The following ARHGAP29 variants were observed in gnomAD, a reference collection of about 807,000 sequenced individuals.
ARHGAP29 encodes rho GTPase-activating protein 29.
A neutral mutation model predicts 122.6 loss-of-function variants in ARHGAP29; 43 were observed. That is an observed-to-expected ratio of 0.35 (90% confidence interval 0.27 to 0.45). The LOEUF is 0.45. Ranked by LOEUF, ARHGAP29 falls within the 20% of genes least tolerant of loss-of-function variation. The pLI, the probability that ARHGAP29 is intolerant of heterozygous loss-of-function variation, is 1.00. For missense variants in ARHGAP29, 1,303 were observed against 1,477.2 expected, an observed-to-expected ratio of 0.88 and a Z score of 1.93; for synonymous variants, 506 against 497.1, an observed-to-expected ratio of 1.02 and a Z score of -0.24.
upstream of ARHGAP29, among the ~76,000 whole-genome samples, chr1:94,238,242 G>T (rs1345390929): frequency 6.6e-6 from 1 of 151,514 alleles, no homozygotes; most frequent in Admixed American, 6.6e-5. Context: ...AGTATTTTTA[G>T]TAGAGGCAGG....
the ARHGAP29 span, among the ~76,000 whole-genome samples, chr1:94,309,728 TAA>T: frequency 6.6e-6 from 1 of 152,086 alleles, no homozygotes; most frequent in Non-Finnish European, 1.5e-5. Context: ...AAGGTAGAAA[TAA>T]AGAGCCTGTC....
chr1:94,284,999 G>C, the ARHGAP29 span, among the ~76,000 whole-genome samples: 1 of 152,170 alleles, frequency 6.6e-6, no homozygotes, highest in Non-Finnish European at 1.5e-5. Context: ...GTTAATGAAG[G>C]CTTAGAGTGC....
intron 12 of ARHGAP29, among the ~76,000 whole-genome samples, chr1:94,200,535 C>T (rs1251410586): frequency 6.6e-6 from 1 of 152,168 alleles, no homozygotes. Flanking sequence ...CCAGTAATCC[C>T]ACTCCTGGTA....
intron 2 of ARHGAP29, among the ~76,000 whole-genome samples, chr1:94,224,419 G>A (rs1652499890): frequency 6.6e-6 from 1 of 152,106 alleles, no homozygotes; most frequent in African/African-American, 2.4e-5. Flanking sequence ...GAATGCCAAC[G>A]ACAACCATCA....
chr1:94,306,275 G>A, the ARHGAP29 span, among the ~76,000 whole-genome samples: 2 of 152,222 alleles, frequency 1.3e-5, no homozygotes, highest in Admixed American at 6.5e-5. Flanking sequence ...GAAAGACTGC[G>A]TTCTTTCCCC....
chr1:94,239,690 C>A (rs1045151222), upstream of ARHGAP29, among the ~76,000 whole-genome samples: 1 of 151,936 alleles, frequency 6.6e-6, no homozygotes, highest in Admixed American at 6.6e-5. Context: ...ATAGAGACTA[C>A]CCACCGATAG....
At chr1:94,273,959 T>A (rs1286981262) in intron 1 of ARHGAP29, among the ~76,000 whole-genome samples, 1 of 151,934 alleles carries the variant, frequency 6.6e-6, no homozygotes, top group African/African-American at 2.4e-5. Flanking sequence ...AAAATAACAG[T>A]TAATAGTTAC....
intron 19 of ARHGAP29, among the ~76,000 whole-genome samples, chr1:94,180,355 C>A (rs1375125483): frequency 6.6e-6 from 1 of 152,102 alleles, no homozygotes; most frequent in Non-Finnish European, 1.5e-5. Context: ...GGTGAATAAA[C>A]TGAATTTTCT....
the ARHGAP29 span, among the ~76,000 whole-genome samples, chr1:94,297,837 G>A: frequency 6.6e-6 from 1 of 152,126 alleles, no homozygotes; most frequent in East Asian, 1.9e-4. Flanking sequence ...GCTGGCCTAA[G>A]GATGTGATGA....
chr1:94,211,312 A>AAAAAAAG, intron 3 of ARHGAP29, among the ~76,000 whole-genome samples: 1 of 147,842 alleles, frequency 6.8e-6, no homozygotes, highest in African/African-American at 2.5e-5. Context: ...AAAAAAAAAA[A>AAAAAAAG]AGGACATAAC....
chr1:94,255,763 C>T (rs1418193121), intron 1 of ARHGAP29, among the ~76,000 whole-genome samples: 3 of 152,166 alleles, frequency 2.0e-5, no homozygotes, highest in Non-Finnish European at 4.4e-5. Flanking sequence ...GAGATTGATT[C>T]GTTTCTGCTC....
intron 5 of ARHGAP29, among the ~76,000 whole-genome samples, chr1:94,207,467 A>G (rs1179174160): frequency 6.6e-6 from 1 of 152,194 alleles, no homozygotes; most frequent in Non-Finnish European, 1.5e-5. Flanking sequence ...CCTGTTAAGA[A>G]TTAGTATAAT....
chr1:94,305,360 A>C, the ARHGAP29 span, among the ~76,000 whole-genome samples: 1 of 152,196 alleles, frequency 6.6e-6, no homozygotes, highest in Non-Finnish European at 1.5e-5. Flanking sequence ...AATATGTTGA[A>C]TATCACCTCT....
At position 94,174,420 on chromosome 1, in the gene ARHGAP29, T is replaced by C. The variant is rs374847892; in HGVS notation, c.3235A>G (p.Lys1079Glu). The C allele has an allele frequency of 1.1e-5, 17 of 1,614,246 alleles. No individual in the cohort carries two copies. The African/African-American group carries it at 2.3e-4, about 22-fold the overall frequency. ...FNGFDQQTLQ[K>E]IQDKQYEQNS... ...TGTTCATACTGTTTGTCCTGAATTTTCTGTAGAGTTTGCTGGTCAAAGCCA... is the reference window on the plus strand; with the variant it reads ...TGTTCATACTGTTTGTCCTGAATTTCCTGTAGAGTTTGCTGGTCAAAGCCA... Residue 1079 changes from lysine to glutamate, a missense_variant, in exon 23 of 23, where the codon AAA (lysine) becomes GAA (glutamate). Transcript: ENST00000260526.
intron 1 of ARHGAP29, among the ~76,000 whole-genome samples, chr1:94,245,318 A>C (rs1653749401): frequency 6.6e-6 from 1 of 152,194 alleles, no homozygotes; most frequent in Non-Finnish European, 1.5e-5. Context: ...ATGATAGTCA[A>C]AAACAAAACA....
intron 1 of ARHGAP29, among the ~76,000 whole-genome samples, chr1:94,252,484 G>A (rs1464628365): frequency 6.6e-6 from 1 of 152,192 alleles, no homozygotes; most frequent in Non-Finnish European, 1.5e-5. Flanking sequence ...GTGCCGTAGA[G>A]GCAGGAGAAG....
chr1:94,177,527 T>C, intron 22 of ARHGAP29, 85 bp downstream of exon 22: 3 of 1,000,276 alleles, frequency 3.0e-6, no homozygotes, highest in Non-Finnish European at 4.3e-6. Flanking sequence ...GCTTCCCTCA[T>C]TGCCCCTCAC....
chr1:94,280,287 C>G, the ARHGAP29 span, among the ~76,000 whole-genome samples: 1 of 152,072 alleles, frequency 6.6e-6, no homozygotes, highest in African/African-American at 2.4e-5. Context: ...AGTTCACTCA[C>G]TTTTCAATTC....
the ARHGAP29 span, among the ~76,000 whole-genome samples, chr1:94,286,835 G>T: frequency 6.6e-6 from 1 of 152,186 alleles, no homozygotes; most frequent in East Asian, 1.9e-4. Flanking sequence ...GACTGGGAAA[G>T]TGGAATATGG....
Sources: allele counts gnomAD v4.1 joint callset (sites outside exome capture counted in the v4.1 genomes callset), GRCh38; gene constraint gnomAD v4.1.1; transcripts MANE v1.5; gene names NCBI Gene and HGNC (gene_info 2026-07-23, HGNC 2026-07-21).